Variants in ATP9B observed in about 807,000 individuals in gnomAD.
The protein encoded by ATP9B is ATPase phospholipid transporting 9B, also known as probable phospholipid-transporting ATPase IIB.
ATP9B carries 110 observed loss-of-function variants against 146.1 expected under a neutral mutation model. The ratio of observed to expected loss-of-function variants is 0.75; its 90% CI spans 0.65 to 0.88. The LOEUF (loss-of-function observed/expected upper bound fraction) is 0.88, where lower values mean the gene tolerates loss of function less well. Ranked by LOEUF, ATP9B falls within the 40% of genes least tolerant of loss-of-function variation. The pLI is 0.00. For missense variants in ATP9B, 1,499 were observed against 1,496.4 expected (o/e 1.00, Z -0.03); for synonymous variants, 604 against 569.7 (o/e 1.06, Z -0.86).
At chr18:79,222,875 A>G (rs2095693982) in intron 11 of ATP9B, among the ~76,000 whole-genome samples, 2 of 152,226 alleles carry the variant, frequency 1.3e-5, no homozygotes, top group African/African-American at 4.8e-5. Flanking sequence ...AGACATATTT[A>G]ATGATATGAG....
intron 12 of ATP9B, among the ~76,000 whole-genome samples, chr18:79,274,526 C>T (rs2096286725): frequency 6.6e-6 from 1 of 152,050 alleles, no homozygotes; most frequent in Non-Finnish European, 1.5e-5. Flanking sequence ...TGTAGTATTA[C>T]ATACTCCCTA....
At chr18:79,141,020 C>T (rs913159209) in intron 5 of ATP9B, among the ~76,000 whole-genome samples, 2 of 152,096 alleles carry the variant, frequency 1.3e-5, no homozygotes, top group Non-Finnish European at 2.9e-5. Context: ...ACTGTTGTTA[C>T]CTTACTTGGC....
At chr18:79,113,051 C>T (rs997683525) in intron 3 of ATP9B, among the ~76,000 whole-genome samples, 190 bp from the exon 4 acceptor site, 1 of 152,052 alleles carries the variant, frequency 6.6e-6, no homozygotes, top group African/African-American at 2.4e-5. Flanking sequence ...TTGGGAGTAA[C>T]CTTACCTTTC....
At chr18:79,177,006 T>A in intron 8 of ATP9B, 99 bp downstream of exon 8, 2 of 982,454 alleles carry the variant, frequency 2.0e-6, no homozygotes, top group East Asian at 2.6e-5. Flanking sequence ...TTTAATGCAT[T>A]GAGAATTTGT....
intron 4 of ATP9B, among the ~76,000 whole-genome samples, chr18:79,114,209 C>T (rs895494739): frequency 6.6e-6 from 1 of 152,192 alleles, no homozygotes; most frequent in Non-Finnish European, 1.5e-5. Context: ...ATCCACCTGC[C>T]TCAGCCTCCC....
intron 17 of ATP9B, among the ~76,000 whole-genome samples, chr18:79,332,302 G>A (rs1450946648): frequency 4.6e-5 from 7 of 152,290 alleles, no homozygotes; most frequent in Non-Finnish European, 8.8e-5. Flanking sequence ...GGTGGCGGGC[G>A]CCTGTAGTCC....
At chr18:79,221,812 C>CT (rs11296943) in intron 11 of ATP9B, among the ~76,000 whole-genome samples, 2,530 of 135,258 alleles carry the variant, frequency 0.019, 25 homozygotes, top group South Asian at 0.039. Flanking sequence ...ATTATAAAGG[C>CT]TTTTTTTTTT....
chr18:79,227,989 C>T (rs569942176), intron 11 of ATP9B, among the ~76,000 whole-genome samples: 6 of 152,184 alleles, frequency 3.9e-5, no homozygotes, highest in Non-Finnish European at 8.8e-5. Context: ...TATACATTAG[C>T]CAAAGCTCAT....
chr18:79,330,201 A>G (rs2096782752), intron 17 of ATP9B, 97 bp downstream of exon 17: 3 of 1,100,478 alleles, frequency 2.7e-6, no homozygotes, highest in Middle Eastern at 2.0e-4. Context: ...TATGAACTTT[A>G]TTGATAGATG....
At chr18:79,284,841 G>C (rs1388325382) in intron 13 of ATP9B, among the ~76,000 whole-genome samples, 4 of 134,024 alleles carry the variant, frequency 3.0e-5, no homozygotes, top group African/African-American at 1.1e-4. Context: ...TCATTGTTCA[G>C]TTCCCACCTA....
At chr18:79,082,536 G>A (rs1409780783) in intron 1 of ATP9B, among the ~76,000 whole-genome samples, 2 of 152,196 alleles carry the variant, frequency 1.3e-5, no homozygotes, top group African/African-American at 2.4e-5. Flanking sequence ...CCTTATCTTC[G>A]TGGATTTATC....
intron 11 of ATP9B, among the ~76,000 whole-genome samples, chr18:79,220,037 G>A (rs1005847059): frequency 1.3e-5 from 2 of 152,176 alleles, no homozygotes; most frequent in African/African-American, 2.4e-5. Context: ...GAGCCCCAAC[G>A]CAGAAGCAGA....
intron 2 of ATP9B, among the ~76,000 whole-genome samples, chr18:79,098,334 T>C (rs2146801044): frequency 1.3e-5 from 2 of 149,018 alleles, no homozygotes; most frequent in South Asian, 4.4e-4. Context: ...AAGGACTTCA[T>C]GTCCAAAACA....
At chr18:79,270,300 CTCTG>C (rs2096242483) in intron 12 of ATP9B, among the ~76,000 whole-genome samples, 2 of 143,010 alleles carry the variant, frequency 1.4e-5, no homozygotes, top group South Asian at 2.1e-4. Context: ...TATGTGGCAG[CTCTG>C]TGTGTGTGTG....
chr18:79,195,312 A>G (rs1440877695), intron 9 of ATP9B, among the ~76,000 whole-genome samples: 1 of 152,216 alleles, frequency 6.6e-6, no homozygotes, highest in African/African-American at 2.4e-5. Context: ...CAGTGGTGTG[A>G]TCATAGCTCA....
chr18:79,185,794 G>C (rs2095302965), intron 8 of ATP9B, among the ~76,000 whole-genome samples: 1 of 91,672 alleles, frequency 1.1e-5, no homozygotes, highest in East Asian at 3.1e-4. Context: ...GGTCTTCTGT[G>C]TTGTGAGCTG....
intron 15 of ATP9B, among the ~76,000 whole-genome samples, chr18:79,326,390 ATGGTGTTAGGGTGTCATCTCTGTACC>A (rs2096745625): frequency 3.2e-5 from 4 of 124,422 alleles, no homozygotes; most frequent in Admixed American, 7.8e-5. Flanking sequence ...CTCCCCTCAC[ATGGTGTTAGGGTGTCATCTCTGTACC>A]CTCCCTCCCC....
chr18:79,376,859 T>C (rs1362357851), intron 29 of ATP9B, among the ~76,000 whole-genome samples: 1 of 151,980 alleles, frequency 6.6e-6, no homozygotes, highest in East Asian at 1.9e-4. Flanking sequence ...CACGCCCGGC[T>C]AATGTTTTGT....
intron 13 of ATP9B, among the ~76,000 whole-genome samples, chr18:79,277,740 A>G (rs1403140902): frequency 6.6e-6 from 1 of 152,224 alleles, no homozygotes; most frequent in Non-Finnish European, 1.5e-5. Flanking sequence ...AATCCGTAAC[A>G]GATTAAAGAC....
Sources: gnomAD v4.1 joint callset for allele counts (sites outside exome capture counted in the v4.1 genomes callset) on GRCh38, gnomAD v4.1.1 for gene constraint, MANE v1.5 for transcripts, NCBI Gene and HGNC (gene_info 2026-07-23, HGNC 2026-07-21) for gene names.